The following ATP13A1 variants were observed in gnomAD, a reference collection of about 807,000 sequenced individuals.
ATP13A1 encodes endoplasmic reticulum transmembrane helix translocase.
Under a neutral mutation model 134.8 loss-of-function variants are expected in ATP13A1, and 55 were observed. That is an observed-to-expected ratio of 0.41 (90% confidence interval 0.33 to 0.51). ATP13A1 has a LOEUF of 0.51. Ranked by LOEUF, ATP13A1 falls within the 20% of genes least tolerant of loss-of-function variation. The pLI, the probability that ATP13A1 is intolerant of heterozygous loss-of-function variation, is 0.29. For synonymous variants in ATP13A1, 775 were observed against 725.1 expected (o/e 1.07, Z -1.10); for missense variants, 1,389 against 1,652.8 (o/e 0.84, Z 2.77).
chr19:19,663,642 T>C lies in ATP13A1; in HGVS notation c.25A>G (p.Asn9Asp). The C allele has an allele frequency of 6.9e-6, 9 of 1,301,102 alleles. No homozygotes were observed. Among genetic ancestry groups the C allele is most frequent in the Non-Finnish European group, 8.8e-6 (9 of 1,026,680 alleles). The allele number at this position is 1,301,102 out of a possible 1,614,324, so 80.6% of individuals were successfully genotyped here. The change falls in exon 1 of 26, where the codon AAC (asparagine) becomes GAC (aspartate). Residue 9 changes from asparagine to aspartate, a missense_variant. Coordinates refer to ENST00000357324, the MANE Select transcript of ATP13A1 (RefSeq NM_020410.3). Reference sequence around the variant, plus strand: ...GGCCGGGCCCCGCAGGGCACCGCGTTGCCCACCGCCGCCGCTGCCGCCATC... The same window carrying C: ...GGCCGGGCCCCGCAGGGCACCGCGTCGCCCACCGCCGCCGCTGCCGCCATC... MAAAAAVG[N>D]AVPCGARPCG...
intron 1 of ATP13A1, among the ~76,000 whole-genome samples, chr19:19,661,721 T>C (rs2062095598): frequency 6.6e-6 from 1 of 152,160 alleles, no homozygotes; most frequent in Non-Finnish European, 1.5e-5. Context: ...CCGCCATCCA[T>C]TCCTCTGCTG....
At position 19,660,005 on chromosome 19, in the gene ATP13A1, A is replaced by G. The variant is rs756721577; in HGVS notation, c.397-18T>C. 3.2e-6 allele frequency: 5 copies of G among 1,550,674 alleles called. No homozygotes were observed. The highest frequency in any genetic ancestry group is 4.4e-6 in the Non-Finnish European group (5 of 1,149,104). On this transcript the variant is annotated intron_variant, in intron 1 of 25. Coordinates refer to ENST00000357324, the MANE Select transcript of ATP13A1 (RefSeq NM_020410.3). Reference sequence around the variant, plus strand: ...TCGTACTCCTGACAGAGACAAAGAAAGCATTGTGGCTTAGCTCTTCTCAAC... The same window carrying G: ...TCGTACTCCTGACAGAGACAAAGAAGGCATTGTGGCTTAGCTCTTCTCAAC...
chr19:19,661,922 G>A (rs1017717719), intron 1 of ATP13A1, among the ~76,000 whole-genome samples: 3 of 152,232 alleles, frequency 2.0e-5, no homozygotes, highest in Admixed American at 6.5e-5. Flanking sequence ...CGCTGTGATG[G>A]CCCCAGGGCG....
intron 19 of ATP13A1, among the ~76,000 whole-genome samples, chr19:19,649,222 C>G (rs1039406483): frequency 6.6e-5 from 10 of 152,200 alleles, no homozygotes; most frequent in African/African-American, 2.4e-4. Context: ...CTCAGCCTCC[C>G]AAAGCACTGG....
chr19:19,661,853 TAAC>T (rs1371278311), intron 1 of ATP13A1, among the ~76,000 whole-genome samples: 5 of 152,148 alleles, frequency 3.3e-5, no homozygotes, highest in Middle Eastern at 3.4e-3. Context: ...AGGCAGCAAA[TAAC>T]AACAATCACA....
intron 23 of ATP13A1, 25 bp from the exon 24 acceptor site, chr19:19,646,010 GC>G (rs760826690): frequency 2.6e-5 from 42 of 1,608,530 alleles, no homozygotes; most frequent in Non-Finnish European, 3.6e-5. Flanking sequence ...GGGAGTCAGG[GC>G]CCCCTCTCCT....
intron 3 of ATP13A1, among the ~76,000 whole-genome samples, chr19:19,659,391 G>A (rs1325676610): frequency 6.6e-6 from 1 of 152,166 alleles, no homozygotes. Context: ...GGGAGGCGGA[G>A]GTTGGGGTGA....
intron 22 of ATP13A1, chr19:19,646,773 T>C (rs1568424795): frequency 1.1e-5 from 4 of 378,572 alleles, no homozygotes; most frequent in Non-Finnish European, 1.9e-5. Context: ...TTGGCCTGAG[T>C]GTCGGTGTCG....
intron 13 of ATP13A1, 70 bp downstream of exon 13, chr19:19,654,473 C>T: frequency 1.3e-6 from 2 of 1,507,540 alleles, no homozygotes; most frequent in Non-Finnish European, 1.8e-6. Flanking sequence ...CTGAGGGGTG[C>T]AGCCCACCTG....
chr19:19,656,166 G>C lies in ATP13A1; in HGVS notation c.1101C>G (p.Leu367=). The C allele has an allele frequency of 6.2e-7, 1 of 1,610,846 alleles. No individual in the cohort carries two copies. The highest frequency in any genetic ancestry group is 8.5e-7 in the Non-Finnish European group (1 of 1,178,006). ...VPQMKEPIED[L]SPDRVLDLQA... ...GGAGGTCCAGCACCCGGTCTGGGCTGAGGTCTTCGATGGGCTCCTGGGGAG... is the reference window on the plus strand; with the variant it reads ...GGAGGTCCAGCACCCGGTCTGGGCTCAGGTCTTCGATGGGCTCCTGGGGAG... Residue 367 remains leucine, a synonymous_variant, in exon 8 of 26, where the codon CTC becomes CTG. Transcript: ENST00000357324. The surrounding 1 kb of genome is among the most constrained non-coding windows in gnomAD (Gnocchi z 4.6).
chr19:19,650,527 A>AT, intron 17 of ATP13A1: 1 of 156,082 alleles, frequency 6.4e-6, no homozygotes, highest in Non-Finnish European at 1.4e-5. Flanking sequence ...TCTCAAGCTG[A>AT]AGGGCAGCAC....
intron 3 of ATP13A1, 110 bp downstream of exon 3, chr19:19,659,490 TA>T: frequency 1.8e-6 from 1 of 541,168 alleles, no homozygotes; most frequent in Non-Finnish European, 2.9e-6. Context: ...AAAATAATAG[TA>T]AATAAATAAA....
At chr19:19,650,022 C>T in intron 17 of ATP13A1, 82 bp from the exon 18 acceptor site, 1 of 1,300,782 alleles carries the variant, frequency 7.7e-7, no homozygotes, top group Non-Finnish European at 1.1e-6. Context: ...GACCCCAGCA[C>T]CAGCCAGTCT....
rs1420268348 is a variant in ATP13A1, at chr19:19,647,571, G to C, written c.2793+28C>G. Reference sequence around the variant, plus strand: ...GGCTGTCAGCCCTGGCCAGGATGGGGTGCAGCACCTCCCCTCTTGGGACTC... The same window carrying C: ...GGCTGTCAGCCCTGGCCAGGATGGGCTGCAGCACCTCCCCTCTTGGGACTC... On this transcript the variant is annotated intron_variant, in intron 20 of 25. Transcript: ENST00000357324. This position sits in a 1 kb window ranked among gnomAD's most constrained non-coding sequence, Gnocchi z 4.8. 1.9e-6 allele frequency: 3 copies of C among 1,613,062 alleles called. No individual in the cohort carries two copies. The East Asian group carries it at 6.7e-5, about 36-fold the overall frequency.
chr19:19,645,921 T>C lies in ATP13A1; in HGVS notation c.3313A>G (p.Ile1105Val), dbSNP rs752148086. The change falls in exon 24 of 26, where the codon ATC becomes GTC. Residue 1105 changes from isoleucine to valine, a missense_variant. Physicochemically the swap from Ile to Val is conservative, Grantham distance 29. Coordinates refer to ENST00000357324, the MANE Select transcript of ATP13A1 (RefSeq NM_020410.3). The surrounding 1 kb of genome is among the most constrained non-coding windows in gnomAD (Gnocchi z 4.1). The stretch of plus-strand genomic sequence containing the variant: ...GCCATCTGCATGGCCATGGCCATGA[T>C]GTAGACGGTGCTGTTGACCAGGCTT... Reference protein sequence around the residue: ...EPSLVNSTVYIMAMAMQMATF... With the variant: ...EPSLVNSTVYVMAMAMQMATF... The C allele has an allele frequency of 6.2e-7, 1 of 1,613,868 alleles. No homozygotes were observed. The highest frequency in any genetic ancestry group is 1.1e-5 in the South Asian group (1 of 91,090).
chr19:19,660,820 C>T (rs2062089939), intron 1 of ATP13A1, among the ~76,000 whole-genome samples: 1 of 151,744 alleles, frequency 6.6e-6, no homozygotes, highest in Non-Finnish European at 1.5e-5. Flanking sequence ...TGGCTCACAC[C>T]TGTAATCCCA....
Position 19,663,262 on chromosome 19 carries a change from C to A in ATP13A1, c.396+9G>T. Reference sequence around the variant, plus strand: ...GTGCTGGGGGTCGGGCTCGCGTGTACACACTTACCGGGGTGCAGGTGAGCG... The same window carrying A: ...GTGCTGGGGGTCGGGCTCGCGTGTAAACACTTACCGGGGTGCAGGTGAGCG... On this transcript the variant is annotated intron_variant, in intron 1 of 25. Transcript: ENST00000357324. The A allele has an allele frequency of 6.4e-7, 1 of 1,573,648 alleles. No individual in the cohort carries two copies. Among genetic ancestry groups the A allele is most frequent in the East Asian group, 2.4e-5 (1 of 42,088 alleles).
chr19:19,654,193 A>G (rs1329638232), intron 13 of ATP13A1, 49 bp from the exon 14 acceptor site: 2 of 1,524,444 alleles, frequency 1.3e-6, no homozygotes, highest in South Asian at 1.2e-5. Context: ...CCAAAGAGGC[A>G]GCCAAGCCCC....
rs772768077 is a variant in ATP13A1, at chr19:19,655,080, C to T, written c.1655+39G>A. ...CTGTCTCTCGACTTCCCAGAAACCC[C>T]ATCTGGGTGACCTTTGCTGCAGGGC... is the stretch of plus-strand genomic sequence containing the variant. On this transcript the variant is annotated intron_variant, in intron 12 of 25. Coordinates refer to ENST00000357324, the MANE Select transcript of ATP13A1 (RefSeq NM_020410.3). The surrounding 1 kb of genome is among the most constrained non-coding windows in gnomAD (Gnocchi z 5.7). The T allele has an allele frequency of 1.3e-5, 21 of 1,611,082 alleles. 1 individual carries two copies. In the South Asian group the frequency reaches 2.3e-4, roughly 18 times the overall value.
Sources: allele counts gnomAD v4.1 joint callset (sites outside exome capture counted in the v4.1 genomes callset), GRCh38; gene constraint gnomAD v4.1.1; non-coding constraint Gnocchi (gnomAD v3.1); transcripts MANE v1.5; gene names NCBI Gene and HGNC (gene_info 2026-07-23, HGNC 2026-07-21).